Variants in LMO3 observed in about 807,000 individuals in gnomAD.
The protein encoded by LMO3 is LIM domain only protein 3.
A neutral mutation model predicts 15.8 loss-of-function variants in LMO3; 2 were observed. That is an observed-to-expected ratio of 0.13 (90% CI 0.05 to 0.40). LMO3 has a LOEUF of 0.40. LMO3 is among the 10% of genes least tolerant of loss of function. The pLI is 0.99. For synonymous variants in LMO3, 62 were observed against 63.8 expected, an observed-to-expected ratio of 0.97 and a Z score of 0.13; for missense variants, 86 against 182.2, an observed-to-expected ratio of 0.47 and a Z score of 3.04.
intron 1 of LMO3, chr12:16,605,014 G>A (rs974062541): frequency 2.5e-6 from 4 of 1,578,642 alleles, no homozygotes; most frequent in African/African-American, 1.3e-5. Flanking sequence ...CTACACCGCC[G>A]AGGACCGACT....
intron 2 of LMO3, among the ~76,000 whole-genome samples, chr12:16,577,969 C>T (rs996737500): frequency 9.2e-5 from 14 of 152,100 alleles, no homozygotes; most frequent in Non-Finnish European, 2.1e-4. Context: ...ACCTGGGTAT[C>T]CTGTATTTTG....
At chr12:16,605,274 C>A in intron 1 of LMO3, 1 of 1,204,624 alleles carries the variant, frequency 8.3e-7, no homozygotes, top group Non-Finnish European at 1.0e-6. Flanking sequence ...ATATCATGTT[C>A]AATATGAAAA....
chr12:16,549,359 T>TAACCA lies in LMO3; in HGVS notation c.*1858_*1862dup, dbSNP rs1460589896. The TAACCA allele has an allele frequency of 3.9e-5, 6 of 152,394 alleles. No homozygotes were observed. Among genetic ancestry groups the TAACCA allele is most frequent in the Non-Finnish European group, 8.8e-5 (6 of 68,020 alleles). The allele number at this position is 152,394 out of a possible 1,614,324, so 9.4% of individuals were successfully genotyped here. ...GGGGAACATGGAACTTGAAGACTCC[T>TAACCA]AACCATGAAGCATTTGGAAAAATAC... On this transcript the variant is annotated 3_prime_UTR_variant, in exon 4 of 4. Transcript: ENST00000537304.
rs1473461795 is a variant in LMO3 at position 16,603,069 on chromosome 12, G to A, written c.-8-2201C>T. Among the ~76,000 whole-genome samples, 1 of 151,776 alleles carries A rather than the reference G, an allele frequency of 6.6e-6. No individual in the cohort carries two copies. Among genetic ancestry groups the A allele is most frequent in the African/African-American group, 2.4e-5 (1 of 41,336 alleles). On this transcript the variant is annotated intron_variant, in intron 1 of 3. Transcript: ENST00000537304. This position sits in a 1 kb window ranked among gnomAD's most constrained non-coding sequence, Gnocchi z 4.9. ...TTCTACCATCAAGCATAGAAGGTCA[G>A]CTGTTTTATTCAAAATGCTTTGCAA...
rs1337583770 is a variant in LMO3, at chr12:16,586,711, A to C, written c.206+13944T>G. On this transcript the variant is annotated intron_variant, in intron 2 of 3. Coordinates refer to ENST00000537304, the MANE Select transcript of LMO3 (RefSeq NM_018640.5). The surrounding 1 kb of genome is among the most constrained non-coding windows in gnomAD (Gnocchi z 4.3). ...TACACATCTTTTGACCCCCCATTGC[A>C]GTAGATGATGTTTTTTTCCATTTCT... is the stretch of plus-strand genomic sequence containing the variant. Among the ~76,000 whole-genome samples the C allele has an allele frequency of 3.3e-5, 5 of 152,168 alleles. No individual in the cohort carries two copies. In the South Asian group the frequency reaches 6.2e-4, roughly 19 times the overall value.
intron 1 of LMO3, chr12:16,602,263 C>A (rs1591834429): frequency 1.3e-5 from 2 of 152,206 alleles, no homozygotes; most frequent in African/African-American, 4.8e-5. Flanking sequence ...AACAGCTAAA[C>A]CTCCTCCAGT....
rs1194798908 is a variant in LMO3 at position 16,604,355 on chromosome 12, A to AC, written c.-9+1710dup. On this transcript the variant is annotated intron_variant, in intron 1 of 3. Coordinates refer to ENST00000537304, the MANE Select transcript of LMO3 (RefSeq NM_018640.5). The surrounding 1 kb of genome is among the most constrained non-coding windows in gnomAD (Gnocchi z 5.3). ...CTCCCAGCCCCCTTCCCTATCCTTCACCCCCCTCCCCTTTTTGAGCAATGG... is the reference window on the plus strand; with the variant it reads ...CTCCCAGCCCCCTTCCCTATCCTTCACCCCCCCTCCCCTTTTTGAGCAATGG... Among the ~76,000 whole-genome samples, 10 of 144,370 alleles carry AC rather than the reference A, an allele frequency of 6.9e-5. No homozygotes were observed. Among genetic ancestry groups the AC allele is most frequent in the African/African-American group, 2.3e-4 (9 of 38,722 alleles). 94.7% of individuals were successfully genotyped at this position (144,370 alleles called of 152,430 possible).
intron 2 of LMO3, among the ~76,000 whole-genome samples, chr12:16,569,471 A>G (rs1942734100): frequency 1.3e-5 from 2 of 152,170 alleles, no homozygotes; most frequent in African/African-American, 4.8e-5. Flanking sequence ...CTTTCAACAA[A>G]TAATTGTCAA....
rs895839093 is a variant in LMO3, at chr12:16,576,962, A to G, written c.207-16424T>C. On this transcript the variant is annotated intron_variant, in intron 2 of 3. Transcript: ENST00000537304. This position sits in a 1 kb window ranked among gnomAD's most constrained non-coding sequence, Gnocchi z 4.1. The stretch of plus-strand genomic sequence containing the variant: ...GAAATAACCCAATAAGGGCAAAGCT[A>G]TATGAGTAAAACTACACTGGAAGCT... Among the ~76,000 whole-genome samples the G allele has an allele frequency of 1.3e-5, 2 of 152,254 alleles. No individual in the cohort carries two copies. The highest frequency in any genetic ancestry group is 1.3e-4 in the Admixed American group (2 of 15,282).
chr12:16,574,871 A>G (rs766382010), intron 2 of LMO3, among the ~76,000 whole-genome samples: 9 of 152,176 alleles, frequency 5.9e-5, no homozygotes, highest in Non-Finnish European at 8.8e-5. Context: ...CTAAGATCTC[A>G]TAGTCATTAA....
intron 2 of LMO3, among the ~76,000 whole-genome samples, chr12:16,588,472 C>A (rs896949302): frequency 5.9e-5 from 9 of 151,926 alleles, no homozygotes; most frequent in Admixed American, 3.3e-4. Context: ...AAATATAATG[C>A]TTTACAAGGC....
At position 16,576,398 on chromosome 12, in the gene LMO3, T is replaced by A. The variant is rs1942997187; in HGVS notation, c.207-15860A>T. ...CTGATGTCCTACCACTCCTGCCTGC[T>A]GAGTTCCTACTAAATCTATTCTTCC... On this transcript the variant is annotated intron_variant, in intron 2 of 3. Coordinates refer to ENST00000537304, the MANE Select transcript of LMO3 (RefSeq NM_018640.5). The surrounding 1 kb of genome is among the most constrained non-coding windows in gnomAD (Gnocchi z 4.1). Among the ~76,000 whole-genome samples, 1 of 152,206 alleles carries A rather than the reference T, an allele frequency of 6.6e-6. No individual in the cohort carries two copies. The highest frequency in any genetic ancestry group is 2.4e-5 in the African/African-American group (1 of 41,462).
rs1565480965 is a variant in LMO3 at position 16,555,965 on chromosome 12, A to G, written c.332+4448T>C. Among the ~76,000 whole-genome samples, 1 of 152,214 alleles carries G rather than the reference A, an allele frequency of 6.6e-6. No homozygotes were observed. Among genetic ancestry groups the G allele is most frequent in the East Asian group, 1.9e-4 (1 of 5,172 alleles). On this transcript the variant is annotated intron_variant, in intron 3 of 3. Transcript: ENST00000537304. The surrounding 1 kb of genome is among the most constrained non-coding windows in gnomAD (Gnocchi z 5.5). Reference sequence around the variant, plus strand: ...AAGGATGGCTCTCTCTTCCCTCAGTATAGCTCTATTTAGCATCGATTACAC... The same window carrying G: ...AAGGATGGCTCTCTCTTCCCTCAGTGTAGCTCTATTTAGCATCGATTACAC...
At chr12:16,600,906 A>G (rs1565514928) in intron 1 of LMO3, 38 bp from the exon 2 acceptor site, 2 of 1,436,212 alleles carry the variant, frequency 1.4e-6, no homozygotes, top group Admixed American at 3.5e-5. Context: ...AGCTGAGACT[A>G]CCAGACAGAA....
intron 2 of LMO3, among the ~76,000 whole-genome samples, chr12:16,565,860 T>C (rs1004698853): frequency 6.6e-6 from 1 of 150,744 alleles, no homozygotes; most frequent in Admixed American, 6.6e-5. Context: ...ATCCCACTAC[T>C]GGAAATCAGT....
intron 2 of LMO3, among the ~76,000 whole-genome samples, chr12:16,571,643 G>A (rs1942815158): frequency 6.6e-6 from 1 of 151,962 alleles, no homozygotes; most frequent in African/African-American, 2.4e-5. Flanking sequence ...TAGCCAAAGA[G>A]CAATGAGAAC....
upstream of LMO3, chr12:16,607,319 A>C (rs1341445846): frequency 6.6e-6 from 1 of 152,276 alleles, no homozygotes; most frequent in Non-Finnish European, 1.5e-5. Flanking sequence ...TCCAATGAAA[A>C]ACAGCCAACA....
chr12:16,573,987 C>A (rs945514532), intron 2 of LMO3: 2 of 152,206 alleles, frequency 1.3e-5, no homozygotes, highest in African/African-American at 4.8e-5. Context: ...CCGTGCCCCT[C>A]AGAGCATTAC....
intron 2 of LMO3, chr12:16,594,319 T>G: frequency 1.4e-6 from 2 of 1,406,616 alleles, no homozygotes. Context: ...AAACCAATTT[T>G]TATAAGCCAA....
Sources: allele counts gnomAD v4.1 joint callset (sites outside exome capture counted in the v4.1 genomes callset), GRCh38; gene constraint gnomAD v4.1.1; non-coding constraint Gnocchi (gnomAD v3.1); transcripts MANE v1.5; gene names NCBI Gene and HGNC (gene_info 2026-07-23, HGNC 2026-07-21).